Variants in DCTN4 observed in about 807,000 individuals in gnomAD.
The protein encoded by DCTN4 is dynactin subunit 4.
In DCTN4, 23 loss-of-function variants were observed where a neutral mutation model predicts 62.7. The observed-to-expected ratio is 0.37, with a 90% CI of 0.26 to 0.52. The LOEUF (loss-of-function observed/expected upper bound fraction) is 0.52, where lower values mean the gene tolerates loss of function less well. DCTN4 is among the 20% of genes least tolerant of loss of function. The probability of loss-of-function intolerance (pLI) is 0.92; values close to 1 mark genes in which losing one functional copy is unlikely to be tolerated. For missense variants in DCTN4, 514 were observed against 580.4 expected, an observed-to-expected ratio of 0.89 and a Z score of 1.18; for synonymous variants, 199 against 202.1, an observed-to-expected ratio of 0.98 and a Z score of 0.13.
At position 150,711,397 on chromosome 5, in the gene DCTN4, T is replaced by TA. The variant is rs746689585; in HGVS notation, c.1170-36dup. On this transcript the variant is annotated intron_variant, in intron 12 of 12. Coordinates refer to ENST00000447998, the MANE Select transcript of DCTN4 (RefSeq NM_016221.4). ...GAAAAAAAAGCAAGTATTAGGTAGATAAAAAAATCAGCCAAACCACTAAGA... is the reference window on the plus strand; with the variant it reads ...GAAAAAAAAGCAAGTATTAGGTAGATAAAAAAAATCAGCCAAACCACTAAGA... 1.5e-5 allele frequency: 24 copies of TA among 1,567,142 alleles called. No individual in the cohort carries two copies. The South Asian group carries it at 1.7e-4, about 11-fold the overall frequency.
At chr5:150,753,381 G>T in intron 3 of DCTN4, 98 bp downstream of exon 3, 2 of 1,032,552 alleles carry the variant, frequency 1.9e-6, no homozygotes, top group Non-Finnish European at 2.8e-6. Flanking sequence ...TCTGAATTTA[G>T]CTCCTATCGC....
chr5:150,712,855 TGGG>T (rs1759619888), intron 12 of DCTN4, among the ~76,000 whole-genome samples: 1 of 152,236 alleles, frequency 6.6e-6, no homozygotes, highest in South Asian at 2.1e-4. Flanking sequence ...GAAAGGTTAC[TGGG>T]ATTACATATT....
Position 150,755,527 on chromosome 5 carries a change from T to C in DCTN4, c.206+890A>G, listed in dbSNP as rs371892993. ...ATATGATGTAATCAAAGATGGCACT[T>C]TACCTCTGTGGTTCTCCTCCGCAAA... On this transcript the variant is annotated intron_variant, in intron 2 of 12. Transcript: ENST00000447998. 4.0e-4 allele frequency: 182 copies of C among 456,294 alleles called. 1 individual carries two copies. Among genetic ancestry groups the C allele is most frequent in the South Asian group, 2.3e-3 (149 of 64,562 alleles). 28.3% of individuals were successfully genotyped at this position (456,294 alleles called of 1,614,324 possible). A position where few individuals can be genotyped will look rare whatever the true frequency, so the allele number is the denominator to read the frequency against.
At chr5:150,733,631 T>A in intron 4 of DCTN4, 156 bp from the exon 5 acceptor site, 1 of 510,330 alleles carries the variant, frequency 2.0e-6, no homozygotes, top group Non-Finnish European at 3.4e-6. Context: ...TTCTTCGTTA[T>A]GTGATCTGTT....
intron 12 of DCTN4, 48 bp from the exon 13 acceptor site, chr5:150,711,410 C>G: frequency 6.8e-7 from 1 of 1,463,016 alleles, no homozygotes; most frequent in Non-Finnish European, 9.5e-7. Context: ...AAAAATCAGC[C>G]AAACCACTAA....
At chr5:150,711,634 T>C (rs920030803) in intron 12 of DCTN4, among the ~76,000 whole-genome samples, 2 of 152,084 alleles carry the variant, frequency 1.3e-5, no homozygotes, top group Admixed American at 1.3e-4. Context: ...GCCTCCCGAG[T>C]AGCTGGGACT....
At chr5:150,730,824 T>C in intron 7 of DCTN4, 84 bp from the exon 8 acceptor site, 7 of 1,133,962 alleles carry the variant, frequency 6.2e-6, no homozygotes, top group Non-Finnish European at 9.2e-6. Context: ...CACGAAGCAT[T>C]ACTGCCTTTA....
chr5:150,741,637 C>G (rs1760774496), intron 4 of DCTN4, among the ~76,000 whole-genome samples: 1 of 152,062 alleles, frequency 6.6e-6, no homozygotes, highest in Admixed American at 6.6e-5. Flanking sequence ...TGCGCCACCA[C>G]ACTCAGCTGA....
chr5:150,738,465 C>T (rs1382956657), intron 4 of DCTN4, among the ~76,000 whole-genome samples: 1 of 151,952 alleles, frequency 6.6e-6, no homozygotes, highest in African/African-American at 2.4e-5. Flanking sequence ...TTTGAAATAC[C>T]CAAGTCAATA....
chr5:150,748,451 A>G (rs1451857624), intron 3 of DCTN4, among the ~76,000 whole-genome samples: 11 of 151,882 alleles, frequency 7.2e-5, no homozygotes, highest in Admixed American at 3.3e-4. Flanking sequence ...ATACCCAAAG[A>G]ACTATAAATC....
intron 8 of DCTN4, among the ~76,000 whole-genome samples, chr5:150,727,793 A>C (rs978185624): frequency 4.2e-5 from 6 of 143,072 alleles, no homozygotes; most frequent in South Asian, 2.1e-4. Context: ...AAAAAAAAAA[A>C]AAAACAAAAA....
At chr5:150,756,379 G>T in intron 2 of DCTN4, 38 bp downstream of exon 2, 1 of 1,457,838 alleles carries the variant, frequency 6.9e-7, no homozygotes, top group Non-Finnish European at 9.3e-7. Context: ...AACAGTCAAG[G>T]AAAATAGGAA....
At chr5:150,749,410 T>C (rs1188834831) in intron 3 of DCTN4, among the ~76,000 whole-genome samples, 3 of 152,186 alleles carry the variant, frequency 2.0e-5, no homozygotes, top group African/African-American at 7.2e-5. Flanking sequence ...GCTGTACATG[T>C]GCTAGAATGG....
chr5:150,739,706 G>A (rs1760703147), intron 4 of DCTN4, among the ~76,000 whole-genome samples: 1 of 152,110 alleles, frequency 6.6e-6, no homozygotes, highest in Admixed American at 6.5e-5. Context: ...CACCAACGCA[G>A]CATAATACTG....
At chr5:150,720,253 A>G (rs1462046236) in intron 9 of DCTN4, among the ~76,000 whole-genome samples, 5 of 152,206 alleles carry the variant, frequency 3.3e-5, no homozygotes, top group African/African-American at 7.2e-5. Context: ...AAAGTGGGGG[A>G]AAAAGTACAT....
chr5:150,735,634 C>T (rs940215771), intron 4 of DCTN4, among the ~76,000 whole-genome samples: 5 of 152,168 alleles, frequency 3.3e-5, no homozygotes, highest in Non-Finnish European at 7.3e-5. Flanking sequence ...GGAACAATGT[C>T]GTAGGACAAA....
At chr5:150,739,892 T>C (rs532383120) in intron 4 of DCTN4, among the ~76,000 whole-genome samples, 1 of 152,310 alleles carries the variant, frequency 6.6e-6, no homozygotes, top group Admixed American at 6.5e-5. Flanking sequence ...AGAATGAAAC[T>C]GGATCCTCAT....
intron 8 of DCTN4, 126 bp from the exon 9 acceptor site, chr5:150,723,106 CAT>C (rs1760013423): frequency 6.0e-6 from 4 of 669,190 alleles, no homozygotes; most frequent in Admixed American, 6.3e-5. Context: ...GCTATAAGAC[CAT>C]ATGTTTTTGA....
intron 4 of DCTN4, among the ~76,000 whole-genome samples, chr5:150,738,222 C>T (rs1460196532): frequency 1.3e-5 from 2 of 152,124 alleles, no homozygotes; most frequent in African/African-American, 4.8e-5. Flanking sequence ...CCTACTGAAA[C>T]TATTCCAAAA....
Sources: allele counts gnomAD v4.1 joint callset (sites outside exome capture counted in the v4.1 genomes callset), GRCh38; gene constraint gnomAD v4.1.1; transcripts MANE v1.5; gene names NCBI Gene and HGNC (gene_info 2026-07-23, HGNC 2026-07-21).